Variants in PCSK2 observed in about 807,000 individuals in gnomAD.
PCSK2 encodes the protein neuroendocrine convertase 2.
A neutral mutation model predicts 69.7 loss-of-function variants in PCSK2; 14 were observed. The ratio of observed to expected loss-of-function variants is 0.20; its 90% CI spans 0.13 to 0.31. The LOEUF is 0.31. Among genes scored for constraint, PCSK2 ranks in the 10% least tolerant of loss-of-function variants. The pLI is 1.00. For missense variants in PCSK2, 544 were observed against 842.5 expected (o/e 0.65, Z 4.39); for synonymous variants, 307 against 320.7 (o/e 0.96, Z 0.46).
intron 2 of PCSK2, among the ~76,000 whole-genome samples, chr20:17,275,685 T>C (rs1267178647): frequency 2.0e-5 from 3 of 152,164 alleles, no homozygotes; most frequent in Non-Finnish European, 4.4e-5. Context: ...ATACATTGGA[T>C]TTACATTTTC....
chr20:17,305,038 G>T (rs2123100377), intron 2 of PCSK2, among the ~76,000 whole-genome samples: 1 of 152,182 alleles, frequency 6.6e-6, no homozygotes, highest in South Asian at 2.1e-4. Context: ...GCCTCCTCCT[G>T]TTACCATTTT....
chr20:17,390,119 A>T (rs532732815), intron 5 of PCSK2, among the ~76,000 whole-genome samples: 2 of 152,346 alleles, frequency 1.3e-5, no homozygotes, highest in South Asian at 4.1e-4. Context: ...CAAATCTCCA[A>T]ATGTTGTTAG....
intron 5 of PCSK2, among the ~76,000 whole-genome samples, chr20:17,398,523 C>CAAAAAA (rs36062712): frequency 2.3e-5 from 2 of 85,208 alleles, no homozygotes; most frequent in Non-Finnish European, 4.3e-5. Flanking sequence ...GATCCTGTCT[C>CAAAAAA]AAAAAAAAAA....
chr20:17,294,348 C>T (rs1323977559), intron 2 of PCSK2, among the ~76,000 whole-genome samples: 2 of 151,992 alleles, frequency 1.3e-5, no homozygotes, highest in African/African-American at 4.8e-5. Context: ...CCTCGTGATC[C>T]ACCCGCCTCG....
chr20:17,407,315 G>A (rs2031774764), intron 5 of PCSK2, among the ~76,000 whole-genome samples: 1 of 152,078 alleles, frequency 6.6e-6, no homozygotes, highest in South Asian at 2.1e-4. Context: ...CACTCGTGCT[G>A]GATTTCCACC....
chr20:17,294,983 T>G (rs78969699), intron 2 of PCSK2, among the ~76,000 whole-genome samples: 1,575 of 152,266 alleles, frequency 0.01, 28 homozygotes, highest in African/African-American at 0.035. Context: ...TTTTCTTATT[T>G]ATTAGTTTGG....
At chr20:17,371,324 C>A (rs1184092707) in intron 5 of PCSK2, among the ~76,000 whole-genome samples, 1 of 152,184 alleles carries the variant, frequency 6.6e-6, no homozygotes, top group African/African-American at 2.4e-5. Flanking sequence ...GGGCAAGAAT[C>A]CTCTGGGGTT....
At chr20:17,336,317 A>G (rs1175770665) in intron 2 of PCSK2, among the ~76,000 whole-genome samples, 4 of 152,172 alleles carry the variant, frequency 2.6e-5, no homozygotes, top group Non-Finnish European at 5.9e-5. Flanking sequence ...GCTTTATAAA[A>G]ACCTAGTCAC....
intron 6 of PCSK2, among the ~76,000 whole-genome samples, chr20:17,414,361 C>T (rs1004822167): frequency 2.6e-5 from 4 of 152,190 alleles, no homozygotes; most frequent in South Asian, 2.1e-4. Context: ...ATATCACCAC[C>T]GATCCCACAG....
intron 4 of PCSK2, among the ~76,000 whole-genome samples, chr20:17,363,210 A>C (rs1392442891): frequency 6.6e-6 from 1 of 152,242 alleles, no homozygotes; most frequent in Non-Finnish European, 1.5e-5. Flanking sequence ...GTGGACAGCC[A>C]GTTTTAATCA....
chr20:17,338,973 G>T (rs1272603268), intron 2 of PCSK2, among the ~76,000 whole-genome samples: 1 of 152,190 alleles, frequency 6.6e-6, no homozygotes, highest in Non-Finnish European at 1.5e-5. Context: ...ATAGCATCTT[G>T]TTTTTGAAGT....
At chr20:17,446,448 C>G (rs1451312771) in intron 8 of PCSK2, among the ~76,000 whole-genome samples, 3 of 152,144 alleles carry the variant, frequency 2.0e-5, no homozygotes, top group African/African-American at 7.2e-5. Flanking sequence ...ATCATCACTC[C>G]CACTCACAAC....
chr20:17,434,989 A>G (rs2032453804), intron 7 of PCSK2, among the ~76,000 whole-genome samples: 1 of 152,224 alleles, frequency 6.6e-6, no homozygotes, highest in African/African-American at 2.4e-5. Context: ...CTATCTCCTT[A>G]TAAAATGAAC....
intron 5 of PCSK2, among the ~76,000 whole-genome samples, chr20:17,391,399 TA>T (rs1284692333): frequency 4.6e-5 from 7 of 152,076 alleles, no homozygotes; most frequent in Admixed American, 3.3e-4. Context: ...TTAAAAAAAA[TA>T]AAAAAACTCA....
chr20:17,260,962 T>C (rs1276039301), intron 2 of PCSK2, among the ~76,000 whole-genome samples: 1 of 152,194 alleles, frequency 6.6e-6, no homozygotes, highest in African/African-American at 2.4e-5. Flanking sequence ...TTTACCTTGC[T>C]CTTGGACTCC....
intron 2 of PCSK2, among the ~76,000 whole-genome samples, chr20:17,345,596 C>G (rs1990629424): frequency 6.6e-6 from 1 of 152,180 alleles, no homozygotes; most frequent in Non-Finnish European, 1.5e-5. Context: ...AGTCAGCAGA[C>G]TAGACTTGCC....
chr20:17,401,528 A>G (rs2031637170), intron 5 of PCSK2, among the ~76,000 whole-genome samples: 1 of 152,226 alleles, frequency 6.6e-6, no homozygotes, highest in Non-Finnish European at 1.5e-5. Flanking sequence ...ATGTCAACAT[A>G]TGAATTTTGG....
At chr20:17,380,956 T>C (rs2031070883) in intron 5 of PCSK2, among the ~76,000 whole-genome samples, 1 of 152,200 alleles carries the variant, frequency 6.6e-6, no homozygotes, top group Non-Finnish European at 1.5e-5. Flanking sequence ...ACTTTACTGG[T>C]TTCCCCTGGG....
At chr20:17,452,004 C>T (rs756903493) in intron 8 of PCSK2, among the ~76,000 whole-genome samples, 12 of 150,632 alleles carry the variant, frequency 8.0e-5, no homozygotes, top group Non-Finnish European at 1.8e-4. Context: ...CTGCACCTCC[C>T]GAATAGCTGG....
Sources: allele counts gnomAD v4.1 joint callset (sites outside exome capture counted in the v4.1 genomes callset), GRCh38; gene constraint gnomAD v4.1.1; transcripts MANE v1.5; gene names NCBI Gene and HGNC (gene_info 2026-07-23, HGNC 2026-07-21).